The following SORCS3 variants were observed in gnomAD, a reference collection of about 807,000 sequenced individuals.
The protein encoded by SORCS3 is VPS10 domain-containing receptor SorCS3.
A neutral mutation model predicts 146.3 loss-of-function variants in SORCS3; 57 were observed. The ratio of observed to expected loss-of-function variants is 0.39; its 90% CI spans 0.31 to 0.49. SORCS3 has a LOEUF of 0.49. Among genes scored for constraint, SORCS3 ranks in the 20% least tolerant of loss-of-function variants. The pLI is 0.92. For missense variants in SORCS3, 1,341 were observed against 1,575.5 expected (o/e 0.85, Z 2.52); for synonymous variants, 653 against 618.5 (o/e 1.06, Z -0.83).
At chr10:105,159,358 A>G (rs2056242328) in intron 11 of SORCS3, among the ~76,000 whole-genome samples, 1 of 152,204 alleles carries the variant, frequency 6.6e-6, no homozygotes, top group South Asian at 2.1e-4. Context: ...AAGTTGGGGT[A>G]GTTTTCTCTT....
intron 1 of SORCS3, among the ~76,000 whole-genome samples, chr10:104,772,862 G>A (rs2017267597): frequency 6.6e-6 from 1 of 152,162 alleles, no homozygotes; most frequent in Non-Finnish European, 1.5e-5. Context: ...TCATCAAAAA[G>A]CACATATTGG....
At chr10:104,780,550 G>T (rs560128664) in intron 1 of SORCS3, among the ~76,000 whole-genome samples, 4 of 152,194 alleles carry the variant, frequency 2.6e-5, no homozygotes, top group African/African-American at 9.6e-5. Context: ...TAGATGAACA[G>T]GTCAGTTCTG....
At chr10:105,089,217 T>C (rs2055684408) in intron 5 of SORCS3, among the ~76,000 whole-genome samples, 1 of 152,228 alleles carries the variant, frequency 6.6e-6, no homozygotes, top group Admixed American at 6.5e-5. Context: ...ATTTTGAATG[T>C]CTATTGCCAA....
At chr10:105,005,830 A>G (rs1335175833) in intron 4 of SORCS3, among the ~76,000 whole-genome samples, 1 of 152,200 alleles carries the variant, frequency 6.6e-6, no homozygotes, top group Non-Finnish European at 1.5e-5. Context: ...TTAACTAGCT[A>G]CTTGATATCT....
chr10:104,858,902 T>C (rs1052810543), intron 2 of SORCS3, among the ~76,000 whole-genome samples: 1 of 144,632 alleles, frequency 6.9e-6, no homozygotes, highest in Non-Finnish European at 1.5e-5. Context: ...ATTACAGGTG[T>C]GAGCCACCGC....
chr10:104,910,209 T>C (rs930129533), intron 2 of SORCS3, among the ~76,000 whole-genome samples: 1 of 152,110 alleles, frequency 6.6e-6, no homozygotes, highest in Non-Finnish European at 1.5e-5. Flanking sequence ...TGCCAGATGA[T>C]GAGCAGGTGC....
chr10:104,706,854 C>A (rs1049834084), intron 1 of SORCS3, among the ~76,000 whole-genome samples: 8 of 152,120 alleles, frequency 5.3e-5, no homozygotes, highest in African/African-American at 1.9e-4. Context: ...ACTTTTTCTT[C>A]TAAACGTGAG....
chr10:105,028,066 T>G (rs187226062), intron 4 of SORCS3, among the ~76,000 whole-genome samples: 82 of 152,368 alleles, frequency 5.4e-4, no homozygotes, highest in Non-Finnish European at 5.7e-4. Flanking sequence ...AATCAGGTTT[T>G]GCAGTGGCTT....
chr10:104,835,099 T>G (rs2018050661), intron 1 of SORCS3, among the ~76,000 whole-genome samples: 1 of 152,202 alleles, frequency 6.6e-6, no homozygotes, highest in Non-Finnish European at 1.5e-5. Context: ...GGGCACTGTT[T>G]GTCTTATTCT....
chr10:104,857,398 G>A (rs920479962), intron 2 of SORCS3, among the ~76,000 whole-genome samples: 1 of 152,100 alleles, frequency 6.6e-6, no homozygotes, highest in African/African-American at 2.4e-5. Flanking sequence ...GATTTAGTAT[G>A]GGGAGAAATT....
chr10:104,802,028 A>C (rs1287329442), intron 1 of SORCS3, among the ~76,000 whole-genome samples: 1 of 152,150 alleles, frequency 6.6e-6, no homozygotes, highest in African/African-American at 2.4e-5. Flanking sequence ...TTACTTTATT[A>C]TATTTTAAGA....
intron 14 of SORCS3, among the ~76,000 whole-genome samples, chr10:105,182,458 A>C (rs1056665873): frequency 6.6e-6 from 1 of 151,924 alleles, no homozygotes; most frequent in African/African-American, 2.4e-5. Context: ...AAGGTACTAT[A>C]ATTCTCTAAG....
intron 3 of SORCS3, among the ~76,000 whole-genome samples, chr10:104,920,730 G>A (rs2019078603): frequency 6.6e-6 from 1 of 152,056 alleles, no homozygotes; most frequent in Non-Finnish European, 1.5e-5. Context: ...CTGTGAGCAG[G>A]GTATAATCAT....
intron 19 of SORCS3, among the ~76,000 whole-genome samples, chr10:105,219,093 C>T (rs1179876646): frequency 6.6e-6 from 1 of 152,148 alleles, no homozygotes; most frequent in Non-Finnish European, 1.5e-5. Flanking sequence ...ATGAGGTGTG[C>T]ATGTGTTGGG....
chr10:104,744,543 G>A lies in SORCS3; in HGVS notation c.628-98249G>A, dbSNP rs1441583546. On this transcript the variant is annotated intron_variant, in intron 1 of 26. Transcript: ENST00000369701. ...TTATTATCTCCACTGTTACAATGAA[G>A]GATCTAAAGGTTATAGACATTTGAA... Among the ~76,000 whole-genome samples the A allele has an allele frequency of 2.6e-5, 4 of 152,118 alleles. No individual in the cohort carries two copies. The East Asian group carries it at 7.7e-4, about 29-fold the overall frequency.
At chr10:105,199,966 C>G (rs148086734) in intron 14 of SORCS3, 33 bp from the exon 15 acceptor site, 15,373 of 1,522,772 alleles carry the variant, frequency 0.01, 153 homozygotes, top group Middle Eastern at 0.055. Context: ...ACTTTCTCCC[C>G]TTGTGTCTCC....
chr10:105,049,920 C>G (rs790729), intron 5 of SORCS3, among the ~76,000 whole-genome samples: 101,517 of 151,842 alleles, frequency 0.67, 35,799 homozygotes, highest in East Asian at 0.85. Context: ...CACAATATAC[C>G]TTTGTAGGAA....
At chr10:104,741,720 T>G (rs1273472844) in intron 1 of SORCS3, among the ~76,000 whole-genome samples, 1 of 140,316 alleles carries the variant, frequency 7.1e-6, no homozygotes, top group Non-Finnish European at 1.5e-5. Flanking sequence ...TTTTTTTTTT[T>G]TTTTTTTTTT....
intron 7 of SORCS3, among the ~76,000 whole-genome samples, chr10:105,137,561 G>A (rs747081068): frequency 5.3e-5 from 8 of 152,182 alleles, no homozygotes; most frequent in Non-Finnish European, 8.8e-5. Context: ...CTACATCTGA[G>A]AGGCAGGGGG....
Sources: gnomAD v4.1 joint callset for allele counts (sites outside exome capture counted in the v4.1 genomes callset) on GRCh38, gnomAD v4.1.1 for gene constraint, MANE v1.5 for transcripts, NCBI Gene and HGNC (gene_info 2026-07-23, HGNC 2026-07-21) for gene names.